Variants in RAB38 observed in about 807,000 individuals in gnomAD.
RAB38 encodes the protein RAB38, member RAS oncogene family, also known as ras-related protein Rab-38.
A neutral mutation model predicts 18.4 loss-of-function variants in RAB38; 15 were observed. The observed-to-expected ratio is 0.82, with a 90% CI of 0.55 to 1.26. The LOEUF (loss-of-function observed/expected upper bound fraction) is 1.26. Among genes scored for constraint, RAB38 ranks in the 50% most tolerant of loss-of-function variants. RAB38 has a pLI of 0.00. For missense variants in RAB38, 294 were observed against 267.4 expected (o/e 1.10, Z -0.69); for synonymous variants, 101 against 104.4 (o/e 0.97, Z 0.20).
At chr11:88,089,926 G>A in the RAB38 span, among the ~76,000 whole-genome samples, 1 of 151,950 alleles carries the variant, frequency 6.6e-6, no homozygotes, top group Non-Finnish European at 1.5e-5. Context: ...TGTTGGATAA[G>A]TGGGATTGGT....
the RAB38 span, among the ~76,000 whole-genome samples, chr11:87,872,118 G>T: frequency 6.6e-6 from 1 of 151,538 alleles, no homozygotes; most frequent in East Asian, 2.0e-4. Context: ...CTATTTACCT[G>T]CTGTCTTCAC....
chr11:87,865,856 C>A, the RAB38 span, among the ~76,000 whole-genome samples: 1 of 151,604 alleles, frequency 6.6e-6, no homozygotes, highest in Admixed American at 6.6e-5. Context: ...TTGCATGTGT[C>A]AGGTTATATC....
the RAB38 span, among the ~76,000 whole-genome samples, chr11:88,089,803 G>C: frequency 1.3e-5 from 2 of 151,910 alleles, no homozygotes; most frequent in Non-Finnish European, 2.9e-5. Flanking sequence ...ATTTTCATCA[G>C]CTACCGCCCG....
At chr11:88,071,945 C>T in the RAB38 span, among the ~76,000 whole-genome samples, 16 of 152,286 alleles carry the variant, frequency 1.1e-4, no homozygotes, top group African/African-American at 3.8e-4. Flanking sequence ...ACATTACAGC[C>T]TCACAGGAGA....
the RAB38 span, among the ~76,000 whole-genome samples, chr11:87,931,171 C>A: frequency 6.6e-6 from 1 of 151,960 alleles, no homozygotes; most frequent in South Asian, 2.1e-4. Flanking sequence ...GCCATTTTCA[C>A]GATATTGATT....
the RAB38 span, among the ~76,000 whole-genome samples, chr11:87,950,998 T>A: frequency 1.3e-5 from 2 of 152,228 alleles, no homozygotes; most frequent in African/African-American, 4.8e-5. Flanking sequence ...CTTGGTTCCA[T>A]TCTCCCTGTC....
chr11:87,884,871 C>A, the RAB38 span, among the ~76,000 whole-genome samples: 6 of 151,844 alleles, frequency 4.0e-5, no homozygotes, highest in African/African-American at 1.4e-4. Flanking sequence ...CGGCAAAATC[C>A]CCAGATGATT....
chr11:87,973,103 C>T, the RAB38 span, among the ~76,000 whole-genome samples: 23 of 152,084 alleles, frequency 1.5e-4, no homozygotes, highest in East Asian at 4.3e-3. Context: ...TCCAATTAAA[C>T]TTCTTTTCTT....
Position 88,175,277 on chromosome 11 carries a change from C to A in RAB38, c.108G>T (p.Ser36=), listed in dbSNP as rs1943373244. The part of the protein sequence containing the change: ...IKRYVHQNFS[S]HYRATIGVDF... ...CCACGCCGATTGTGGCCCGGTAGTG[C>A]GAAGAGAAGTTCTGGTGCACGTAGC... The change falls in exon 1 of 3, where the codon TCG becomes TCT. Residue 36 remains serine, a synonymous_variant. Coordinates refer to ENST00000243662, the MANE Select transcript of RAB38 (RefSeq NM_022337.3). The A allele has an allele frequency of 6.2e-7, 1 of 1,614,040 alleles. No homozygotes were observed. Among genetic ancestry groups the A allele is most frequent in the South Asian group, 1.1e-5 (1 of 91,084 alleles).
chr11:87,827,379 T>C, the RAB38 span, among the ~76,000 whole-genome samples: 5 of 152,010 alleles, frequency 3.3e-5, no homozygotes, highest in East Asian at 1.9e-4. Context: ...GAGCTCTTTA[T>C]TGGAAAGTTT....
chr11:88,031,056 A>G, the RAB38 span, among the ~76,000 whole-genome samples: 1 of 151,176 alleles, frequency 6.6e-6, no homozygotes, highest in East Asian at 1.9e-4. Context: ...CATCCCTGGG[A>G]TGCAAGGCTG....
At chr11:87,860,449 C>G in the RAB38 span, among the ~76,000 whole-genome samples, 1 of 151,880 alleles carries the variant, frequency 6.6e-6, no homozygotes, top group Non-Finnish European at 1.5e-5. Flanking sequence ...TGATATCAAA[C>G]TTCAACACTA....
chr11:88,085,558 CACTA>C, the RAB38 span, among the ~76,000 whole-genome samples: 111 of 151,954 alleles, frequency 7.3e-4, no homozygotes, highest in East Asian at 0.016. Flanking sequence ...GAGAAAATTT[CACTA>C]ACTATGAGTT....
the RAB38 span, among the ~76,000 whole-genome samples, chr11:87,810,236 C>T: frequency 7.9e-5 from 12 of 152,066 alleles, no homozygotes; most frequent in Non-Finnish European, 8.8e-5. Context: ...TATAAACTTG[C>T]TTCAATTATC....
chr11:87,891,746 A>G, the RAB38 span, among the ~76,000 whole-genome samples: 31 of 151,876 alleles, frequency 2.0e-4, 1 homozygote, highest in Middle Eastern at 6.3e-3. Flanking sequence ...TGTGTTGTAG[A>G]ACACTATAGA....
the RAB38 span, among the ~76,000 whole-genome samples, chr11:87,952,193 C>T: frequency 2.2e-4 from 34 of 152,242 alleles, no homozygotes; most frequent in African/African-American, 7.9e-4. Context: ...GGAACACTCT[C>T]ATCTCTTATT....
chr11:88,103,933 G>C, the RAB38 span, among the ~76,000 whole-genome samples: 3 of 152,170 alleles, frequency 2.0e-5, no homozygotes, highest in East Asian at 5.8e-4. Flanking sequence ...CAGCTTTCTT[G>C]CCAGAAGGTG....
chr11:87,839,947 A>C, the RAB38 span, among the ~76,000 whole-genome samples: 1 of 152,292 alleles, frequency 6.6e-6, no homozygotes, highest in African/African-American at 2.4e-5. Flanking sequence ...TGTATGTGCT[A>C]CTGGCCTCAA....
At chr11:87,823,386 A>ATT in the RAB38 span, among the ~76,000 whole-genome samples, 45 of 147,358 alleles carry the variant, frequency 3.1e-4, no homozygotes, top group East Asian at 5.7e-3. Context: ...AAATCCCAGC[A>ATT]TTTTTTTTTT....
Sources: allele counts gnomAD v4.1 joint callset (sites outside exome capture counted in the v4.1 genomes callset), GRCh38; gene constraint gnomAD v4.1.1; transcripts MANE v1.5; gene names NCBI Gene and HGNC (gene_info 2026-07-23, HGNC 2026-07-21).